The following ZBTB7C variants were observed in gnomAD, a reference collection of about 807,000 sequenced individuals.
The protein encoded by ZBTB7C is zinc finger and BTB domain-containing protein 7C.
A neutral mutation model predicts 25.7 loss-of-function variants in ZBTB7C; 8 were observed. That is an observed-to-expected ratio of 0.31 (90% CI 0.18 to 0.56). The LOEUF is 0.56. Ranked by LOEUF, ZBTB7C falls within the 20% of genes least tolerant of loss-of-function variation. The pLI is 0.91. For synonymous variants in ZBTB7C, 394 were observed against 369.0 expected (o/e 1.07, Z -0.78); for missense variants, 824 against 855.2 (o/e 0.96, Z 0.46).
At chr18:48,311,608 A>G (rs925130023) in intron 2 of ZBTB7C, among the ~76,000 whole-genome samples, 6 of 150,540 alleles carry the variant, frequency 4.0e-5, no homozygotes, top group Non-Finnish European at 7.4e-5. Context: ...TCAGAGAGGT[A>G]AAGCAATGTG....
chr18:48,293,401 A>T, intron 2 of ZBTB7C, among the ~76,000 whole-genome samples: 1 of 152,302 alleles, frequency 6.6e-6, no homozygotes. Context: ...CACATTAGGA[A>T]TTAGGGTTTC....
intron 2 of ZBTB7C, among the ~76,000 whole-genome samples, chr18:48,322,290 C>T (rs1397415396): frequency 6.6e-6 from 1 of 152,162 alleles, no homozygotes; most frequent in African/African-American, 2.4e-5. Context: ...CCAGGCATTG[C>T]AGGATGTCTA....
chr18:48,057,061 A>C (rs1380097410), intron 3 of ZBTB7C, among the ~76,000 whole-genome samples: 2 of 151,128 alleles, frequency 1.3e-5, no homozygotes, highest in Non-Finnish European at 3.0e-5. Context: ...AAAAAAAAAA[A>C]AAAAAAAAAC....
intron 3 of ZBTB7C, among the ~76,000 whole-genome samples, chr18:48,113,140 G>T (rs1247230957): frequency 6.6e-6 from 1 of 152,170 alleles, no homozygotes; most frequent in East Asian, 1.9e-4. Context: ...CATGAAAATG[G>T]GCATTTTGTT....
intron 3 of ZBTB7C, among the ~76,000 whole-genome samples, chr18:48,064,314 T>C (rs976989245): frequency 7.2e-5 from 11 of 152,250 alleles, no homozygotes; most frequent in Non-Finnish European, 1.5e-4. Flanking sequence ...ATCCAAGTTA[T>C]TTCAGGATTT....
chr18:48,260,324 C>T (rs1030058486), intron 2 of ZBTB7C, among the ~76,000 whole-genome samples: 1 of 152,122 alleles, frequency 6.6e-6, no homozygotes, highest in African/African-American at 2.4e-5. Context: ...GATCTGTCAC[C>T]GAGCATTCCC....
chr18:48,305,824 G>A (rs2045659478), intron 2 of ZBTB7C, among the ~76,000 whole-genome samples: 1 of 152,170 alleles, frequency 6.6e-6, no homozygotes, highest in Non-Finnish European at 1.5e-5. Flanking sequence ...GGCTCAGGGA[G>A]CTCAGGTCAC....
At chr18:48,409,499 C>A (rs1202480867), upstream of ZBTB7C, 1 of 147,228 alleles carries the variant, frequency 6.8e-6, no homozygotes, top group Non-Finnish European at 1.5e-5. Flanking sequence ...CCCCGCGCCC[C>A]GCGCCCGCGC....
In ZBTB7C at chr18:48,338,914, G is replaced by T. The variant is rs1028025323; in HGVS notation, c.-303-516C>A. 1.4e-3 allele frequency among the ~76,000 whole-genome samples: 213 copies of T among 151,200 alleles called. 2 individuals are homozygous for T. The highest frequency in any genetic ancestry group is 2.7e-3 in the Non-Finnish European group (181 of 67,772). On this transcript the variant is annotated intron_variant, in intron 1 of 4. Transcript: ENST00000590800. The stretch of plus-strand genomic sequence containing the variant: ...CTTCTGGTGTTCTGTAGTTTGTTGG[G>T]GGGGGGGGGTCCAGGTAGGACACCC...
chr18:48,288,335 T>C (rs955503632), intron 2 of ZBTB7C, among the ~76,000 whole-genome samples: 1 of 152,184 alleles, frequency 6.6e-6, no homozygotes. Context: ...CCTTCATGAA[T>C]GAGATGAATT....
chr18:48,229,139 C>T (rs980332564), intron 2 of ZBTB7C, among the ~76,000 whole-genome samples: 11 of 152,274 alleles, frequency 7.2e-5, no homozygotes, highest in East Asian at 5.8e-4. Context: ...CCCCCTGCCA[C>T]GTGCCCGCCC....
At chr18:48,411,326 A>G (rs1201585526), upstream of ZBTB7C, among the ~76,000 whole-genome samples, 1 of 152,236 alleles carries the variant, frequency 6.6e-6, no homozygotes, top group Admixed American at 6.5e-5. Context: ...TAAATCTAGG[A>G]TAGTCTATCG....
At chr18:48,189,453 G>T (rs1256980669) in intron 2 of ZBTB7C, among the ~76,000 whole-genome samples, 1 of 152,158 alleles carries the variant, frequency 6.6e-6, no homozygotes, top group Non-Finnish European at 1.5e-5. Context: ...GAGACAGGGG[G>T]AGACTGACAG....
intron 1 of ZBTB7C, among the ~76,000 whole-genome samples, chr18:48,376,268 A>G (rs548021417): frequency 1.2e-4 from 19 of 152,344 alleles, no homozygotes; most frequent in African/African-American, 4.6e-4. Context: ...ACCTAACACA[A>G]TCATCTACTT....
intron 4 of ZBTB7C, among the ~76,000 whole-genome samples, chr18:48,036,851 G>A (rs944944763): frequency 6.6e-6 from 1 of 152,190 alleles, no homozygotes; most frequent in African/African-American, 2.4e-5. Context: ...AAAGGCTGCA[G>A]GGAGCCTTGG....
intron 1 of ZBTB7C, among the ~76,000 whole-genome samples, chr18:48,343,363 G>T (rs1244700440): frequency 6.6e-6 from 1 of 152,116 alleles, no homozygotes; most frequent in Non-Finnish European, 1.5e-5. Flanking sequence ...AGAGGAATTT[G>T]TCCCTGGGCA....
At chr18:48,284,983 T>C (rs558120309) in intron 2 of ZBTB7C, among the ~76,000 whole-genome samples, 1 of 152,348 alleles carries the variant, frequency 6.6e-6, no homozygotes, top group South Asian at 2.1e-4. Context: ...CATTGAATTC[T>C]AGTTGCATGA....
intron 2 of ZBTB7C, among the ~76,000 whole-genome samples, chr18:48,234,683 A>G (rs939270856): frequency 6.6e-6 from 1 of 152,210 alleles, no homozygotes; most frequent in African/African-American, 2.4e-5. Flanking sequence ...TGTATTCTCA[A>G]TTGGACATAT....
chr18:48,204,298 C>T (rs1392303161), intron 2 of ZBTB7C, among the ~76,000 whole-genome samples: 2 of 152,146 alleles, frequency 1.3e-5, no homozygotes, highest in Non-Finnish European at 2.9e-5. Flanking sequence ...CTCCAGCCTC[C>T]CTTGTGAACC....
Sources: gnomAD v4.1 joint callset for allele counts (sites outside exome capture counted in the v4.1 genomes callset) on GRCh38, gnomAD v4.1.1 for gene constraint, MANE v1.5 for transcripts, NCBI Gene and HGNC (gene_info 2026-07-23, HGNC 2026-07-21) for gene names.